The following RGS6 variants were observed in gnomAD, a reference collection of about 807,000 sequenced individuals.
RGS6 encodes the protein regulator of G-protein signaling 6.
RGS6 carries 30 observed loss-of-function variants against 78.5 expected under a neutral mutation model. That is an observed-to-expected ratio of 0.38 (90% CI 0.29 to 0.52). The LOEUF (loss-of-function observed/expected upper bound fraction) is 0.52. Ranked by LOEUF, RGS6 falls within the 20% of genes least tolerant of loss-of-function variation. RGS6 has a pLI of 0.85. For missense variants in RGS6, 495 were observed against 609.7 expected (o/e 0.81, Z 1.98); for synonymous variants, 206 against 206.0 (o/e 1.00, Z 0.00).
intron 2 of RGS6, among the ~76,000 whole-genome samples, chr14:72,275,101 T>C (rs1239245283): frequency 6.6e-6 from 1 of 152,228 alleles, no homozygotes; most frequent in Non-Finnish European, 1.5e-5. Flanking sequence ...TTGTCTGCTA[T>C]GGTATTTTTC....
At chr14:72,066,432 TAATAG>T (rs1037288445) in intron 2 of RGS6, among the ~76,000 whole-genome samples, 1 of 151,936 alleles carries the variant, frequency 6.6e-6, no homozygotes, top group Non-Finnish European at 1.5e-5. Flanking sequence ...ATACACAAGA[TAATAG>T]AATTGTAACT....
intron 2 of RGS6, among the ~76,000 whole-genome samples, chr14:72,269,873 A>G (rs940105716): frequency 6.6e-6 from 1 of 152,092 alleles, no homozygotes; most frequent in Non-Finnish European, 1.5e-5. Context: ...GCCTTTGTAT[A>G]GCTTTAATGC....
At chr14:71,989,527 G>T (rs560513641) in intron 2 of RGS6, among the ~76,000 whole-genome samples, 1 of 152,346 alleles carries the variant, frequency 6.6e-6, no homozygotes, top group African/African-American at 2.4e-5. Flanking sequence ...AAAACATAAG[G>T]CAGACATATC....
chr14:72,147,629 C>T (rs1211282785), intron 2 of RGS6, among the ~76,000 whole-genome samples: 5 of 152,188 alleles, frequency 3.3e-5, no homozygotes, highest in African/African-American at 1.2e-4. Flanking sequence ...ACATTCAAAT[C>T]GTAGCACATG....
chr14:72,042,273 G>A (rs1479105177), intron 2 of RGS6, among the ~76,000 whole-genome samples: 3 of 151,730 alleles, frequency 2.0e-5, no homozygotes, highest in African/African-American at 7.3e-5. Context: ...GATTAGAGGT[G>A]CATGCCACCA....
At chr14:72,511,473 C>T (rs143575974) in intron 14 of RGS6, 125 of 152,308 alleles carry the variant, frequency 8.2e-4, no homozygotes, top group African/African-American at 2.9e-3. Flanking sequence ...GTGATCTTTG[C>T]CTGTAACGAC....
chr14:72,283,538 G>A (rs1437457112), intron 2 of RGS6, among the ~76,000 whole-genome samples: 2 of 152,026 alleles, frequency 1.3e-5, no homozygotes, highest in East Asian at 1.9e-4. Context: ...CTTTCCCTTG[G>A]CTCTCACTCT....
At chr14:72,379,313 G>A (rs10137579) in intron 3 of RGS6, among the ~76,000 whole-genome samples, 67,629 of 151,858 alleles carry the variant, frequency 0.45, 15,776 homozygotes, top group African/African-American at 0.58. Flanking sequence ...ATTCAACATA[G>A]TAATGGAAGC....
chr14:72,418,171 C>CA, intron 3 of RGS6, among the ~76,000 whole-genome samples: 1 of 146,536 alleles, frequency 6.8e-6, no homozygotes, highest in East Asian at 2.0e-4. Flanking sequence ...TCAAAATAAA[C>CA]TTTTTTTTTT....
intron 17 of RGS6, among the ~76,000 whole-genome samples, chr14:72,545,856 A>AC (rs970699924): frequency 1.3e-5 from 2 of 151,766 alleles, no homozygotes; most frequent in African/African-American, 4.8e-5. Context: ...AGTGCCCTAC[A>AC]CCCTTCAGCT....
intron 2 of RGS6, among the ~76,000 whole-genome samples, chr14:72,345,533 A>G (rs1030285644): frequency 6.6e-6 from 1 of 152,196 alleles, no homozygotes; most frequent in African/African-American, 2.4e-5. Context: ...TGGAAAGAAG[A>G]AGGGAGCCGT....
At chr14:72,181,984 A>C (rs893905300) in intron 2 of RGS6, among the ~76,000 whole-genome samples, 1 of 152,212 alleles carries the variant, frequency 6.6e-6, no homozygotes, top group Non-Finnish European at 1.5e-5. Context: ...CATTACTTAG[A>C]TTTGTTGCTG....
At chr14:72,257,414 G>T (rs1349288499) in intron 2 of RGS6, among the ~76,000 whole-genome samples, 1 of 152,092 alleles carries the variant, frequency 6.6e-6, no homozygotes, top group Non-Finnish European at 1.5e-5. Flanking sequence ...CATTGCAGTC[G>T]TTTATCAGGT....
chr14:72,539,086 G>A (rs889133664), intron 16 of RGS6, among the ~76,000 whole-genome samples: 4 of 152,286 alleles, frequency 2.6e-5, no homozygotes, highest in South Asian at 2.1e-4. Flanking sequence ...GTATTTGAGC[G>A]GTCATTCTAC....
intron 15 of RGS6, among the ~76,000 whole-genome samples, chr14:72,534,229 C>T (rs2097216813): frequency 6.6e-6 from 1 of 152,186 alleles, no homozygotes; most frequent in Admixed American, 6.5e-5. Context: ...TCAGATGATC[C>T]TTAGCATTTT....
the RGS6 span, among the ~76,000 whole-genome samples, chr14:72,617,730 G>A: frequency 1.3e-5 from 2 of 152,162 alleles, no homozygotes; most frequent in Admixed American, 6.5e-5. Flanking sequence ...CCGAGGGACA[G>A]CACAAATACT....
chr14:72,359,861 C>A (rs1286875964), intron 3 of RGS6, among the ~76,000 whole-genome samples: 1 of 152,032 alleles, frequency 6.6e-6, no homozygotes, highest in African/African-American at 2.4e-5. Flanking sequence ...CATTGCTGAC[C>A]TTGGTAAGTG....
intron 3 of RGS6, among the ~76,000 whole-genome samples, chr14:72,395,534 A>C (rs1445743593): frequency 6.6e-6 from 1 of 151,938 alleles, no homozygotes; most frequent in Admixed American, 6.6e-5. Flanking sequence ...ATCCAACATA[A>C]TTATTTTTTT....
At chr14:72,319,459 C>T (rs1196013285) in intron 2 of RGS6, among the ~76,000 whole-genome samples, 2 of 151,934 alleles carry the variant, frequency 1.3e-5, no homozygotes, top group African/African-American at 4.8e-5. Flanking sequence ...ACGCCATTCT[C>T]CTGCCTCAGC....
Sources: gnomAD v4.1 joint callset for allele counts (sites outside exome capture counted in the v4.1 genomes callset) on GRCh38, gnomAD v4.1.1 for gene constraint, MANE v1.5 for transcripts, NCBI Gene and HGNC (gene_info 2026-07-23, HGNC 2026-07-21) for gene names.